The following YJU2 variants were observed in gnomAD, a reference collection of about 807,000 sequenced individuals.
The protein encoded by YJU2 is YJU2 splicing factor homolog.
In YJU2, 28 loss-of-function variants were observed where a neutral mutation model predicts 39.6. The ratio of observed to expected loss-of-function variants is 0.71; its 90% confidence interval spans 0.52 to 0.97. YJU2 has a LOEUF of 0.97. Ranked by LOEUF, YJU2 falls within the 50% of genes least tolerant of loss-of-function variation. The pLI, the probability that YJU2 is intolerant of heterozygous loss-of-function variation, is 0.00. For synonymous variants in YJU2, 184 were observed against 182.4 expected (o/e 1.01, Z -0.07); for missense variants, 328 against 430.4 (o/e 0.76, Z 2.11).
At chr19:4,250,050 A>G (rs1970963172) in intron 2 of YJU2, among the ~76,000 whole-genome samples, 1 of 152,058 alleles carries the variant, frequency 6.6e-6, no homozygotes, top group African/African-American at 2.4e-5. Context: ...TGTCTGCCAT[A>G]GGTCATGGCT....
At chr19:4,261,365 C>A (rs756918196) in intron 5 of YJU2, among the ~76,000 whole-genome samples, 6 of 152,152 alleles carry the variant, frequency 3.9e-5, no homozygotes, top group African/African-American at 2.4e-5. Context: ...GTGGTGCGTG[C>A]CTGTAGTCCT....
Position 4,258,435 on chromosome 19 carries a change from C to G in YJU2, c.587+12C>G. ...GAGCAGGAGACCGCGTGAGTCAGGGCCGGCCCAACCCAGCCCCACCTCGCA... is the reference window on the plus strand; with the variant it reads ...GAGCAGGAGACCGCGTGAGTCAGGGGCGGCCCAACCCAGCCCCACCTCGCA... On this transcript the variant is annotated intron_variant, in intron 5 of 7. Coordinates refer to ENST00000262962, the MANE Select transcript of YJU2 (RefSeq NM_018074.6). 6.4e-7 allele frequency: 1 copy of G among 1,569,246 alleles called. No homozygotes were observed. Among genetic ancestry groups the G allele is most frequent in the South Asian group, 1.2e-5 (1 of 85,652 alleles).
At chr19:4,253,072 G>A (rs1250255495) in intron 3 of YJU2, among the ~76,000 whole-genome samples, 1 of 151,938 alleles carries the variant, frequency 6.6e-6, no homozygotes, top group Non-Finnish European at 1.5e-5. Context: ...GTCACAGTAA[G>A]ATACTAAGGG....
At chr19:4,247,746 C>T (rs1970942735) in intron 1 of YJU2, among the ~76,000 whole-genome samples, 1 of 149,816 alleles carries the variant, frequency 6.7e-6, no homozygotes, top group Non-Finnish European at 1.5e-5. Context: ...CTCTGCCTTA[C>T]AGTGGCCAAG....
At chr19:4,257,558 C>T (rs1236104822) in intron 4 of YJU2, among the ~76,000 whole-genome samples, 2 of 152,192 alleles carry the variant, frequency 1.3e-5, no homozygotes, top group African/African-American at 4.8e-5. Context: ...ACTGCAACCT[C>T]TGCCTCCCGG....
chr19:4,258,520 C>A, intron 5 of YJU2, 97 bp downstream of exon 5: 1 of 1,463,878 alleles, frequency 6.8e-7, no homozygotes, highest in Non-Finnish European at 9.1e-7. Context: ...TCTGGAGTGT[C>A]GCCTTTGCAA....
intron 5 of YJU2, among the ~76,000 whole-genome samples, chr19:4,261,773 G>A (rs1380477689): frequency 6.6e-6 from 1 of 152,022 alleles, no homozygotes; most frequent in Non-Finnish European, 1.5e-5. Flanking sequence ...AGGTTGCAGT[G>A]AGCTGTGATT....
chr19:4,250,107 C>T (rs1312321737), intron 2 of YJU2, among the ~76,000 whole-genome samples: 1 of 152,148 alleles, frequency 6.6e-6, no homozygotes, highest in Non-Finnish European at 1.5e-5. Context: ...TCACGGTGCC[C>T]AGATCTTGCC....
intron 6 of YJU2, among the ~76,000 whole-genome samples, chr19:4,263,413 C>A (rs898978852): frequency 6.6e-6 from 1 of 152,156 alleles, no homozygotes; most frequent in Non-Finnish European, 1.5e-5. Context: ...GTTCTTCTCT[C>A]ATGCCAGAGG....
intron 4 of YJU2, among the ~76,000 whole-genome samples, chr19:4,256,195 T>A (rs1357194922): frequency 7.5e-5 from 11 of 147,362 alleles, no homozygotes; most frequent in East Asian, 2.0e-4. Flanking sequence ...TATATATATA[T>A]ATATATATAT....
At position 4,268,672 on chromosome 19, in the gene YJU2, T is replaced by G; in HGVS notation, c.948T>G (p.Ser316Arg). The change falls in exon 8 of 8, where the codon AGT (serine) becomes AGG (arginine). Residue 316 changes from serine to arginine, a missense_variant. Ser to Arg is a moderately radical substitution (Grantham distance 110). This residue lies in a region of YJU2 where 244 missense variants were observed against 264.6 expected (regional missense o/e 0.92). Transcript: ENST00000262962. ...GCCAACTGGGTGCATACCTGGACAG[T>G]GACGACAGCAACGGCAGCAACTGAG... ...SLSQLGAYLD[S>R]DDSNGSN 6.2e-7 allele frequency: 1 copy of G among 1,613,756 alleles called. No homozygotes were observed. The highest frequency in any genetic ancestry group is 8.5e-7 in the Non-Finnish European group (1 of 1,179,836).
At chr19:4,262,880 C>T (rs999209510) in intron 6 of YJU2, among the ~76,000 whole-genome samples, 1 of 151,884 alleles carries the variant, frequency 6.6e-6, no homozygotes, top group Non-Finnish European at 1.5e-5. Context: ...CGAACTCCAG[C>T]CTGAGCAAGA....
At chr19:4,248,375 G>A (rs1416815562) in intron 1 of YJU2, 2 of 152,234 alleles carry the variant, frequency 1.3e-5, no homozygotes, top group East Asian at 3.8e-4. Context: ...CTCAAGGAAT[G>A]CGTGCAAAGA....
intron 6 of YJU2, 142 bp from the exon 7 acceptor site, chr19:4,267,482 G>A: frequency 1.2e-6 from 1 of 837,664 alleles, no homozygotes; most frequent in South Asian, 1.8e-5. Flanking sequence ...GGGAGCCATA[G>A]AGGAGTTTAG....
rs948752208 is a variant in YJU2 at position 4,268,856 on chromosome 19, A to G, written c.*160A>G. ...AACACATAGGGCCACCAGGGGCCTC[A>G]GCCCCAGGAGGTCCCTTCTCTGTGC... is the stretch of plus-strand genomic sequence containing the variant. On this transcript the variant is annotated 3_prime_UTR_variant, in exon 8 of 8. Coordinates refer to ENST00000262962, the MANE Select transcript of YJU2 (RefSeq NM_018074.6). 5 of 607,878 alleles carry G rather than the reference A, an allele frequency of 8.2e-6. No individual in the cohort carries two copies. The highest frequency in any genetic ancestry group is 1.9e-5 in the South Asian group (1 of 51,298). The allele number at this position is 607,878 out of a possible 1,614,324, so 37.7% of individuals were successfully genotyped here.
chr19:4,262,061 C>T lies in YJU2; in HGVS notation c.655C>T (p.Pro219Ser). The change falls in exon 6 of 8, where the codon CCC becomes TCC. Residue 219 changes from proline (P) to serine (S), a missense_variant. Physicochemically the swap from Pro to Ser is moderately conservative, Grantham distance 74. Transcript: ENST00000262962. ...CTCCGACTCAGAGGATGAGGCTGCT[C>T]CCTCGCCCCTGCAGCCAGCCCTTCG... ...EDSDSEDEAA[P>S]SPLQPALRPN... 6.2e-7 allele frequency: 1 copy of T among 1,612,522 alleles called. No homozygotes were observed. Among genetic ancestry groups the T allele is most frequent in the Non-Finnish European group, 8.5e-7 (1 of 1,179,848 alleles).
chr19:4,251,679 C>T (rs1460592288), intron 3 of YJU2, among the ~76,000 whole-genome samples: 1 of 126,092 alleles, frequency 7.9e-6, no homozygotes, highest in Non-Finnish European at 1.6e-5. Flanking sequence ...AGCAAGACTC[C>T]AACTAAAAAA....
chr19:4,250,035 C>T (rs528811665), intron 2 of YJU2, among the ~76,000 whole-genome samples: 2 of 152,238 alleles, frequency 1.3e-5, no homozygotes, highest in East Asian at 3.9e-4. Flanking sequence ...ATGGCAGGCT[C>T]CTCTTGTCTG....
rs915627173 is a variant in YJU2, at chr19:4,249,338, C to T, written c.125+10C>T. The T allele has an allele frequency of 6.4e-7, 1 of 1,566,452 alleles. No homozygotes were observed. On this transcript the variant is annotated intron_variant, in intron 2 of 7. Coordinates refer to ENST00000262962, the MANE Select transcript of YJU2 (RefSeq NM_018074.6). Reference sequence around the variant, plus strand: ...CCCCCTTCAACATGAGGTGAGCACCCCCTGCGTGACCCCACACACCAGTCA... The same window carrying T: ...CCCCCTTCAACATGAGGTGAGCACCTCCTGCGTGACCCCACACACCAGTCA...
Sources: allele counts gnomAD v4.1 joint callset (sites outside exome capture counted in the v4.1 genomes callset), GRCh38; gene constraint gnomAD v4.1.1; regional missense constraint gnomAD v4.1.1; transcripts MANE v1.5; gene names NCBI Gene and HGNC (gene_info 2026-07-23, HGNC 2026-07-21).